Variants in AGFG1 observed in about 807,000 individuals in gnomAD.
AGFG1 encodes the protein ArfGAP with FG repeats 1.
In AGFG1, 10 loss-of-function variants were observed where a neutral mutation model predicts 60.6. The observed-to-expected ratio is 0.16, with a 90% confidence interval of 0.10 to 0.28. The LOEUF (loss-of-function observed/expected upper bound fraction) is 0.28, where lower values mean the gene tolerates loss of function less well. Ranked by LOEUF, AGFG1 falls within the 10% of genes least tolerant of loss-of-function variation. The pLI is 1.00. For synonymous variants in AGFG1, 247 were observed against 242.9 expected, an observed-to-expected ratio of 1.02 and a Z score of -0.16; for missense variants, 537 against 676.5, an observed-to-expected ratio of 0.79 and a Z score of 2.29.
chr2:227,527,570 A>G (rs1262246410), intron 5 of AGFG1, among the ~76,000 whole-genome samples: 1 of 152,198 alleles, frequency 6.6e-6, no homozygotes, highest in Non-Finnish European at 1.5e-5. Flanking sequence ...GTAAAAGCAT[A>G]CATAGTATTT....
intron 1 of AGFG1, among the ~76,000 whole-genome samples, chr2:227,480,641 T>A (rs938839210): frequency 6.6e-6 from 1 of 151,900 alleles, no homozygotes; most frequent in Non-Finnish European, 1.5e-5. Flanking sequence ...TCTTCTGCTC[T>A]GGAAATGCTG....
chr2:227,532,658 A>G (rs1292752813), intron 6 of AGFG1, among the ~76,000 whole-genome samples: 1 of 152,096 alleles, frequency 6.6e-6, no homozygotes, highest in Non-Finnish European at 1.5e-5. Flanking sequence ...AATTATCTGT[A>G]GTTGTCTTTT....
chr2:227,541,361 TAATTTTTGTACAAGGTG>T (rs1692488083), intron 10 of AGFG1, among the ~76,000 whole-genome samples: 1 of 152,226 alleles, frequency 6.6e-6, no homozygotes, highest in Non-Finnish European at 1.5e-5. Flanking sequence ...CATCTTGAAT[TAATTTTTGTACAAGGTG>T]TAAGGAAGGG....
At chr2:227,505,833 G>A (rs1280482057) in intron 2 of AGFG1, among the ~76,000 whole-genome samples, 2 of 152,068 alleles carry the variant, frequency 1.3e-5, no homozygotes, top group African/African-American at 2.4e-5. Flanking sequence ...CCGCCTCCCA[G>A]GTTCAAGTGA....
At chr2:227,480,317 CAG>C (rs1314587535) in intron 1 of AGFG1, among the ~76,000 whole-genome samples, 1 of 152,100 alleles carries the variant, frequency 6.6e-6, no homozygotes, top group Non-Finnish European at 1.5e-5. Context: ...TATGGAGAAA[CAG>C]TGTATGTTCA....
At chr2:227,500,326 G>T (rs1448985496) in intron 2 of AGFG1, among the ~76,000 whole-genome samples, 1 of 152,200 alleles carries the variant, frequency 6.6e-6, no homozygotes, top group Admixed American at 6.5e-5. Flanking sequence ...AGGATGGAGT[G>T]TCTGTGAGCA....
intron 2 of AGFG1, among the ~76,000 whole-genome samples, chr2:227,493,983 T>C (rs977074867): frequency 1.3e-5 from 2 of 152,044 alleles, no homozygotes; most frequent in African/African-American, 4.8e-5. Flanking sequence ...GAGCAAACAG[T>C]ACAAAAAGAA....
In AGFG1 at chr2:227,558,607, GTTTTTC is replaced by G. The variant is rs1693047016; in HGVS notation, c.*4118_*4123del. 6.6e-6 allele frequency: 1 copy of G among 152,070 alleles called. No homozygotes were observed. Among genetic ancestry groups the G allele is most frequent in the South Asian group, 2.1e-4 (1 of 4,816 alleles). 9.4% of individuals were successfully genotyped at this position (152,070 alleles called of 1,614,324 possible). A position where few individuals can be genotyped will look rare whatever the true frequency, so the allele number is the denominator to read the frequency against. On this transcript the variant is annotated 3_prime_UTR_variant, in exon 13 of 13. Transcript: ENST00000310078. ...TGTTGTATTCATCCTCATTAGTTAA[GTTTTTC>G]TTTTTATGTTTTAAAACTTAGTGAC...
At position 227,559,552 on chromosome 2, in the gene AGFG1, G is replaced by C. The variant is rs1693076360; in HGVS notation, c.*5057G>C. The C allele has an allele frequency of 6.6e-6, 1 of 152,236 alleles. No individual in the cohort carries two copies. Among genetic ancestry groups the C allele is most frequent in the East Asian group, 1.9e-4 (1 of 5,180 alleles). The allele number at this position is 152,236 out of a possible 1,614,324, so 9.4% of individuals were successfully genotyped here. A position where few individuals can be genotyped will look rare whatever the true frequency, so the allele number is the denominator to read the frequency against. ...AGGGCTGTAGGGACTGATGAAAAGA[G>C]AATGTTGTGATTTGAGCTTTTATAA... On this transcript the variant is annotated 3_prime_UTR_variant, in exon 13 of 13. Coordinates refer to ENST00000310078, the MANE Select transcript of AGFG1 (RefSeq NM_004504.5).
intron 5 of AGFG1, among the ~76,000 whole-genome samples, chr2:227,528,102 T>C (rs747418771): frequency 6.6e-6 from 1 of 152,184 alleles, no homozygotes; most frequent in Non-Finnish European, 1.5e-5. Flanking sequence ...TTTGAAAAAT[T>C]GTAGAAAAAC....
At chr2:227,532,292 T>A in intron 6 of AGFG1, 2 of 1,023,854 alleles carry the variant, frequency 2.0e-6, no homozygotes, top group Non-Finnish European at 2.8e-6. Flanking sequence ...TTATAGATTG[T>A]TAATAATTCT....
Position 227,536,903 on chromosome 2 carries a change from A to G in AGFG1, c.1288A>G (p.Thr430Ala). ...GTGTATTTTATAATTTTTTAAAGCTACGCCTTCCACAAATCCATTTGTTGC... is the reference window on the plus strand; with the variant it reads ...GTGTATTTTATAATTTTTTAAAGCTGCGCCTTCCACAAATCCATTTGTTGC... ...SSSVPAPFGA[T>A]PSTNPFVAAA... The change falls in exon 10 of 13, where the codon ACG (threonine) becomes GCG (alanine). Residue 430 changes from threonine to alanine, a missense_variant and splice_region_variant. By Grantham distance (58) the Thr-to-Ala change is moderately conservative. This residue lies in a region of AGFG1 where 287 missense variants were observed against 343.6 expected (regional missense o/e 0.84). Transcript: ENST00000310078. 1.2e-6 allele frequency: 2 copies of G among 1,611,836 alleles called. No homozygotes were observed. The highest frequency in any genetic ancestry group is 1.7e-6 in the Non-Finnish European group (2 of 1,178,792).
At chr2:227,538,110 G>A (rs1692368801) in intron 10 of AGFG1, among the ~76,000 whole-genome samples, 2 of 152,198 alleles carry the variant, frequency 1.3e-5, no homozygotes, top group Admixed American at 1.3e-4. Context: ...TTTATCAGGT[G>A]TGTGATATGT....
At chr2:227,478,625 T>G (rs1332539075) in intron 1 of AGFG1, among the ~76,000 whole-genome samples, 1 of 152,208 alleles carries the variant, frequency 6.6e-6, no homozygotes, top group Non-Finnish European at 1.5e-5. Flanking sequence ...TGAATTACCA[T>G]GCCCTGCCTC....
chr2:227,474,339 C>T (rs1206456675), intron 1 of AGFG1, among the ~76,000 whole-genome samples: 1 of 152,110 alleles, frequency 6.6e-6, no homozygotes, highest in Non-Finnish European at 1.5e-5. Context: ...GGAAAAAATA[C>T]ATATATTTAC....
chr2:227,508,847 G>C (rs1040605020), intron 2 of AGFG1, among the ~76,000 whole-genome samples: 1 of 152,170 alleles, frequency 6.6e-6, no homozygotes, highest in Non-Finnish European at 1.5e-5. Context: ...CGGATCTGTA[G>C]ATTAGATCCT....
In AGFG1 at chr2:227,536,888, T is replaced by C; in HGVS notation, c.1286-13T>C. The C allele has an allele frequency of 6.2e-7, 1 of 1,608,198 alleles. No individual in the cohort carries two copies. The highest frequency in any genetic ancestry group is 8.5e-7 in the Non-Finnish European group (1 of 1,177,072). ...TATTAGGATTTTATAGTGTATTTTA[T>C]AATTTTTTAAAGCTACGCCTTCCAC... On this transcript the variant is annotated splice_polypyrimidine_tract_variant and intron_variant, in intron 9 of 12. Coordinates refer to ENST00000310078, the MANE Select transcript of AGFG1 (RefSeq NM_004504.5).
chr2:227,495,843 T>G (rs1259840058), intron 2 of AGFG1, among the ~76,000 whole-genome samples: 1 of 151,922 alleles, frequency 6.6e-6, no homozygotes, highest in East Asian at 1.9e-4. Flanking sequence ...TGGCTCATGC[T>G]TGTAATCCCA....
At chr2:227,490,482 G>T (rs556941343) in intron 1 of AGFG1, among the ~76,000 whole-genome samples, 2 of 151,860 alleles carry the variant, frequency 1.3e-5, no homozygotes, top group Non-Finnish European at 2.9e-5. Flanking sequence ...GGAGACTGAG[G>T]CAGGAGAATG....
Sources: allele counts gnomAD v4.1 joint callset (sites outside exome capture counted in the v4.1 genomes callset), GRCh38; gene constraint gnomAD v4.1.1; regional missense constraint gnomAD v4.1.1; transcripts MANE v1.5; gene names NCBI Gene and HGNC (gene_info 2026-07-23, HGNC 2026-07-21).